PHF13: variants seen among roughly 807,000 people sequenced by gnomAD.
The protein encoded by PHF13 is PHD finger protein 13.
A neutral mutation model predicts 25.8 loss-of-function variants in PHF13; 1 was observed. The ratio of observed to expected loss-of-function variants is 0.04; its 90% CI spans 0.01 to 0.18. PHF13 has a LOEUF of 0.18. PHF13 is among the 10% of genes least tolerant of loss of function. The pLI is 1.00. For synonymous variants in PHF13, 195 were observed against 162.4 expected (o/e 1.20, Z -1.53); for missense variants, 306 against 403.2 (o/e 0.76, Z 2.06).
rs1468915041 is a variant in PHF13, at chr1:6,613,935, C to T, written c.-132C>T. The T allele has an allele frequency of 3.4e-6, 2 of 585,530 alleles. No homozygotes were observed. Among genetic ancestry groups the T allele is most frequent in the Non-Finnish European group, 5.9e-6 (2 of 340,842 alleles). The allele number at this position is 585,530 out of a possible 1,614,324, so 36.3% of individuals were successfully genotyped here. ...AGCGACGCGCTGAGCCCCCCATCACCTCCAGCCCGGGCGACCCCTCCCGGG... is the reference window on the plus strand; with the variant it reads ...AGCGACGCGCTGAGCCCCCCATCACTTCCAGCCCGGGCGACCCCTCCCGGG... On this transcript the variant is annotated 5_prime_UTR_variant, in exon 1 of 4. Coordinates refer to ENST00000377648, the MANE Select transcript of PHF13 (RefSeq NM_153812.3).
intron 1 of PHF13, among the ~76,000 whole-genome samples, chr1:6,615,407 G>A (rs1641245182): frequency 6.6e-6 from 1 of 152,244 alleles, no homozygotes; most frequent in African/African-American, 2.4e-5. Flanking sequence ...CGGCCCTGGG[G>A]TCCAAGGGGG....
intron 1 of PHF13, among the ~76,000 whole-genome samples, chr1:6,616,163 G>A (rs1183866309): frequency 6.6e-6 from 1 of 151,358 alleles, no homozygotes; most frequent in Admixed American, 6.6e-5. Context: ...TGAGTAGTTG[G>A]GACTACAGGT....
Position 6,613,772 on chromosome 1 carries a change from G to A in PHF13, c.-295G>A, listed in dbSNP as rs1276282816. 4 of 284,356 alleles carry A rather than the reference G, an allele frequency of 1.4e-5. No individual in the cohort carries two copies. In the South Asian group the frequency reaches 2.0e-4, roughly 14 times the overall value. 17.6% of individuals were successfully genotyped at this position (284,356 alleles called of 1,614,324 possible). A position where few individuals can be genotyped will look rare whatever the true frequency, so the allele number is the denominator to read the frequency against. On this transcript the variant is annotated 5_prime_UTR_variant, in exon 1 of 4. Coordinates refer to ENST00000377648, the MANE Select transcript of PHF13 (RefSeq NM_153812.3). ...CACGAGCCGAACTGGGCGTCAGGTC[G>A]GGGAGCCGGTCGGGTTCCCGCTCAC...
rs906404593 is a variant in PHF13 at position 6,613,748 on chromosome 1, A to T, written c.-319A>T. 8.6e-4 allele frequency: 148 copies of T among 171,104 alleles called. 1 individual carries two copies. The highest frequency in any genetic ancestry group is 1.3e-3 in the Admixed American group (18 of 13,882). The allele number at this position is 171,104 out of a possible 1,614,324, so 10.6% of individuals were successfully genotyped here. A position where few individuals can be genotyped will look rare whatever the true frequency, so the allele number is the denominator to read the frequency against. On this transcript the variant is annotated 5_prime_UTR_variant, in exon 1 of 4. Coordinates refer to ENST00000377648, the MANE Select transcript of PHF13 (RefSeq NM_153812.3). ...GCTCTCCCGCCCTCCCTCCCGAGAC[A>T]CGAGCCGAACTGGGCGTCAGGTCGG... is the stretch of plus-strand genomic sequence containing the variant.
chr1:6,618,270 G>A (rs1641289694), intron 2 of PHF13, among the ~76,000 whole-genome samples: 1 of 152,116 alleles, frequency 6.6e-6, no homozygotes, highest in South Asian at 2.1e-4. Context: ...AAGTAGCTGG[G>A]ACTACAGGCC....
chr1:6,621,054 C>T lies in PHF13; in HGVS notation c.677-357C>T, dbSNP rs1451341438. On this transcript the variant is annotated intron_variant, in intron 3 of 3. Transcript: ENST00000377648. This position sits in a 1 kb window ranked among gnomAD's most constrained non-coding sequence, Gnocchi z 4.8. ...CAAGAAAAAAAAAAAAAACAATAGT[C>T]GAGTGTGGTGGTGTGTGCCTGTAGT... Among the ~76,000 whole-genome samples, 3 of 147,828 alleles carry T rather than the reference C, an allele frequency of 2.0e-5. No individual in the cohort carries two copies. The highest frequency in any genetic ancestry group is 7.5e-5 in the African/African-American group (3 of 40,066).
At chr1:6,619,184 A>G (rs1365082226) in intron 2 of PHF13, among the ~76,000 whole-genome samples, 1 of 152,230 alleles carries the variant, frequency 6.6e-6, no homozygotes, top group Admixed American at 6.5e-5. Context: ...GAGAGGTTTT[A>G]CAATCAGGGA....
chr1:6,615,132 G>T (rs970551881), intron 1 of PHF13, among the ~76,000 whole-genome samples: 2 of 151,598 alleles, frequency 1.3e-5, no homozygotes, highest in African/African-American at 4.8e-5. Flanking sequence ...GAGGCGGCCG[G>T]GGGGGCGGGC....
At chr1:6,614,203 T>A in intron 1 of PHF13, 98 bp downstream of exon 1, 1 of 836,088 alleles carries the variant, frequency 1.2e-6, no homozygotes, top group Non-Finnish European at 1.7e-6. Flanking sequence ...AGCGCCGCCC[T>A]CCCCTTCCCC....
At chr1:6,616,083 G>A (rs1161009815) in intron 1 of PHF13, among the ~76,000 whole-genome samples, 1 of 145,132 alleles carries the variant, frequency 6.9e-6, no homozygotes, top group Non-Finnish European at 1.5e-5. Context: ...GGGCTGGAGT[G>A]CAGTGGCGCG....
rs1340460600 is a variant in PHF13, at chr1:6,614,024, A to C, written c.-43A>C. The stretch of plus-strand genomic sequence containing the variant: ...CCGGGCGGCCCCGCTCCAGCATCCC[A>C]GCTCCTGCACTCTCGCAGCCGCCGC... On this transcript the variant is annotated 5_prime_UTR_variant, in exon 1 of 4. Transcript: ENST00000377648. The C allele has an allele frequency of 3.6e-6, 5 of 1,401,650 alleles. No homozygotes were observed. The highest frequency in any genetic ancestry group is 2.0e-4 in the Middle Eastern group (1 of 4,914). 86.8% of individuals were successfully genotyped at this position (1,401,650 alleles called of 1,614,324 possible). A position where few individuals can be genotyped will look rare whatever the true frequency, so the allele number is the denominator to read the frequency against.
intron 1 of PHF13, among the ~76,000 whole-genome samples, chr1:6,616,188 C>T (rs1208896050): frequency 6.6e-6 from 1 of 151,932 alleles, no homozygotes; most frequent in Non-Finnish European, 1.5e-5. Flanking sequence ...GCCACCACGC[C>T]CGGCTAATTT....
At chr1:6,620,373 C>T in intron 3 of PHF13, 36 bp downstream of exon 3, 1 of 1,584,630 alleles carries the variant, frequency 6.3e-7, no homozygotes, top group Non-Finnish European at 8.6e-7. Flanking sequence ...CCCTTGTTGG[C>T]TTGTGGTTAG....
At chr1:6,620,517 G>A (rs138356825) in intron 3 of PHF13, among the ~76,000 whole-genome samples, 180 bp downstream of exon 3, 2 of 152,232 alleles carry the variant, frequency 1.3e-5, no homozygotes, top group African/African-American at 2.4e-5. Context: ...TTAGGAAGGG[G>A]TTGATTGCCA....
chr1:6,614,275 C>T (rs1234515547), intron 1 of PHF13, among the ~76,000 whole-genome samples, 170 bp downstream of exon 1: 12 of 149,486 alleles, frequency 8.0e-5, no homozygotes, highest in Admixed American at 6.6e-4. Flanking sequence ...GGCCCGCGCT[C>T]GGTCCTCTCC....
chr1:6,619,839 A>G lies in PHF13; in HGVS notation c.178A>G (p.Ser60Gly). 1 of 1,612,408 alleles carries G rather than the reference A, an allele frequency of 6.2e-7. No individual in the cohort carries two copies. The highest frequency in any genetic ancestry group is 1.1e-5 in the South Asian group (1 of 90,982). ...AAGGAGCAGCCCCAGCCCTGCTAAC[A>G]GCACTGCTGGTACCATTGACAGCGA... is the stretch of plus-strand genomic sequence containing the variant. ...PLRSSPSPAN[S>G]TAGTIDSDGW... is the part of the protein sequence containing the mutation. Residue 60 changes from serine (S) to glycine (G), a missense_variant, in exon 3 of 4, where the codon AGC (serine) becomes GGC (glycine). Physicochemically the swap from Ser to Gly is moderately conservative, Grantham distance 56. This residue lies in a region of PHF13 where 36 missense variants were observed against 76.0 expected (regional missense o/e 0.47). Transcript: ENST00000377648.
intron 2 of PHF13, among the ~76,000 whole-genome samples, chr1:6,619,010 A>T (rs569947764): frequency 3.7e-4 from 57 of 152,334 alleles, no homozygotes; most frequent in Middle Eastern, 3.4e-3. Context: ...TATGCTTGTG[A>T]TCTGAATGAA....
Position 6,623,359 on chromosome 1 carries a change from A to G in PHF13, c.*1722A>G, listed in dbSNP as rs1641375175. 6.6e-6 allele frequency: 1 copy of G among 152,656 alleles called. No individual in the cohort carries two copies. Among genetic ancestry groups the G allele is most frequent in the Non-Finnish European group, 1.5e-5 (1 of 68,042 alleles). The allele number at this position is 152,656 out of a possible 1,614,324, so 9.5% of individuals were successfully genotyped here. On this transcript the variant is annotated 3_prime_UTR_variant, in exon 4 of 4. Coordinates refer to ENST00000377648, the MANE Select transcript of PHF13 (RefSeq NM_153812.3). ...CCCCAAGGGGGAGGTTCGGTAGAGA[A>G]AAATAGTAAGCTGGTTTAGAAACTG...
chr1:6,621,780 GTC>G lies in PHF13; in HGVS notation c.*144_*145del. On this transcript the variant is annotated 3_prime_UTR_variant, in exon 4 of 4. Coordinates refer to ENST00000377648, the MANE Select transcript of PHF13 (RefSeq NM_153812.3). This position sits in a 1 kb window ranked among gnomAD's most constrained non-coding sequence, Gnocchi z 4.8. ...AGGTGCCTAAGCAAAAGGACAGGCT[GTC>G]CAAGGTAGAAACTGTACATAGCCGG... The G allele has an allele frequency of 1.2e-6, 1 of 805,258 alleles. No individual in the cohort carries two copies. Among genetic ancestry groups the G allele is most frequent in the Non-Finnish European group, 2.0e-6 (1 of 502,368 alleles). 49.9% of individuals were successfully genotyped at this position (805,258 alleles called of 1,614,324 possible). A position where few individuals can be genotyped will look rare whatever the true frequency, so the allele number is the denominator to read the frequency against.
Sources: gnomAD v4.1 joint callset for allele counts (sites outside exome capture counted in the v4.1 genomes callset) on GRCh38, gnomAD v4.1.1 for gene constraint, gnomAD v4.1.1 regional missense constraint, Gnocchi (gnomAD v3.1) non-coding constraint, MANE v1.5 for transcripts, NCBI Gene and HGNC (gene_info 2026-07-23, HGNC 2026-07-21) for gene names.